MAGI1: variants seen among roughly 807,000 people sequenced by gnomAD.
MAGI1 encodes the protein membrane associated guanylate kinase, WW and PDZ domain containing 1.
In MAGI1, 58 loss-of-function variants were observed where a neutral mutation model predicts 139.9. The observed-to-expected ratio is 0.41, with a 90% confidence interval of 0.34 to 0.52. The LOEUF (loss-of-function observed/expected upper bound fraction) is 0.52, where lower values mean the gene tolerates loss of function less well. MAGI1 is among the 20% of genes least tolerant of loss of function. The pLI is 0.12. For missense variants in MAGI1, 1,874 were observed against 1,901.6 expected (o/e 0.99, Z 0.27); for synonymous variants, 812 against 737.9 (o/e 1.10, Z -1.63).
chr3:65,548,750 T>C (rs561435940), intron 2 of MAGI1, among the ~76,000 whole-genome samples: 1 of 152,124 alleles, frequency 6.6e-6, no homozygotes, highest in South Asian at 2.1e-4. Flanking sequence ...CTCGAACTCA[T>C]GACCTCAAGT....
intron 2 of MAGI1, among the ~76,000 whole-genome samples, chr3:65,582,061 T>A (rs183452867): frequency 5.3e-5 from 8 of 152,310 alleles, no homozygotes; most frequent in Non-Finnish European, 1.2e-4. Flanking sequence ...GTTAAATAAA[T>A]GGGTTGGCCT....
chr3:65,463,684 T>C (rs189782835), intron 5 of MAGI1, among the ~76,000 whole-genome samples: 8 of 152,022 alleles, frequency 5.3e-5, no homozygotes, highest in Non-Finnish European at 7.4e-5. Flanking sequence ...TTGCTTGGAA[T>C]AGTTTCAGAA....
At chr3:65,677,054 G>A (rs1224490586) in intron 1 of MAGI1, among the ~76,000 whole-genome samples, 2 of 152,126 alleles carry the variant, frequency 1.3e-5, no homozygotes, top group African/African-American at 2.4e-5. Flanking sequence ...ATTTTATGGT[G>A]GAGAGGGACA....
intron 1 of MAGI1, among the ~76,000 whole-genome samples, chr3:65,930,369 A>G (rs1237124536): frequency 4.0e-5 from 6 of 151,376 alleles, no homozygotes; most frequent in Non-Finnish European, 8.8e-5. Flanking sequence ...GGAAAAACCA[A>G]GGTCTTTCCA....
At chr3:65,634,191 C>T (rs1326379491) in intron 1 of MAGI1, among the ~76,000 whole-genome samples, 1 of 152,142 alleles carries the variant, frequency 6.6e-6, no homozygotes, top group Non-Finnish European at 1.5e-5. Flanking sequence ...GGGAGTATGA[C>T]TGTCTGTGTT....
intron 2 of MAGI1, among the ~76,000 whole-genome samples, chr3:65,522,036 A>G (rs910026656): frequency 1.5e-4 from 23 of 152,156 alleles, no homozygotes; most frequent in Non-Finnish European, 3.1e-4. Context: ...ATCACAGAGG[A>G]AAAAAATCCA....
At position 65,514,084 on chromosome 3, in the gene MAGI1, C is replaced by T. The variant is rs2077736060; in HGVS notation, c.431-20453G>A. ...AGGATTCCCTATTTAATAAATGGTG[C>T]TGGGAAAATTGGCTAGCCATATGTA... On this transcript the variant is annotated intron_variant, in intron 2 of 22. Coordinates refer to ENST00000402939, the MANE Select transcript of MAGI1 (RefSeq NM_001033057.2). Among the ~76,000 whole-genome samples the T allele has an allele frequency of 2.0e-5, 3 of 146,796 alleles. No homozygotes were observed. In the South Asian group the frequency reaches 6.6e-4, roughly 32 times the overall value.
At chr3:65,720,335 C>T (rs1269701304) in intron 1 of MAGI1, among the ~76,000 whole-genome samples, 2 of 152,294 alleles carry the variant, frequency 1.3e-5, no homozygotes, top group East Asian at 3.9e-4. Context: ...AAGTACCTTA[C>T]CTGCCAGGTT....
intron 1 of MAGI1, among the ~76,000 whole-genome samples, chr3:65,837,562 C>T (rs2058668199): frequency 6.6e-6 from 1 of 152,208 alleles, no homozygotes. Context: ...CACGACCCCA[C>T]CCAGCTGCTT....
At chr3:65,950,959 AGAAGGAAGGAAGGAAGGAAGGAAGGAAG>A (rs146952878) in intron 1 of MAGI1, among the ~76,000 whole-genome samples, 3,238 of 58,590 alleles carry the variant, frequency 0.055, 144 homozygotes, top group South Asian at 0.11. Flanking sequence ...GAGAAGAAAG[AGAAGGAAGGAAGGAAGGAAGGAAGGAAG>A]GAAGGAAGGA....
At chr3:65,606,824 A>G (rs1479390146) in intron 2 of MAGI1, among the ~76,000 whole-genome samples, 2 of 151,766 alleles carry the variant, frequency 1.3e-5, no homozygotes, top group African/African-American at 4.8e-5. Flanking sequence ...AGCCCGGCTA[A>G]TTTTTGTATT....
chr3:65,747,922 G>A (rs553253942), intron 1 of MAGI1, among the ~76,000 whole-genome samples: 16 of 152,278 alleles, frequency 1.1e-4, no homozygotes, highest in African/African-American at 3.6e-4. Flanking sequence ...AGGGGTGGTG[G>A]GCAGAGAAGC....
At chr3:65,823,347 C>T (rs900624614) in intron 1 of MAGI1, among the ~76,000 whole-genome samples, 5 of 152,042 alleles carry the variant, frequency 3.3e-5, no homozygotes, top group African/African-American at 1.2e-4. Flanking sequence ...AGGAAAAAAA[C>T]TTCCTCAAAA....
chr3:65,822,798 C>T (rs965219446), intron 1 of MAGI1, among the ~76,000 whole-genome samples: 4 of 152,224 alleles, frequency 2.6e-5, no homozygotes, highest in Admixed American at 6.5e-5. Context: ...TCAGAGCTTG[C>T]GAGAACTCAC....
intron 2 of MAGI1, among the ~76,000 whole-genome samples, chr3:65,509,675 T>C (rs62255286): frequency 6.6e-6 from 1 of 152,132 alleles, no homozygotes; most frequent in South Asian, 2.1e-4. Context: ...TCTCGCTGAT[T>C]GCTAGCACAG....
chr3:65,954,418 G>A (rs902943957), intron 1 of MAGI1: 4 of 152,538 alleles, frequency 2.6e-5, no homozygotes, highest in South Asian at 2.1e-4. Flanking sequence ...GGCAGCGCTT[G>A]CCAAGGTGGT....
chr3:65,500,903 T>G (rs2077055579), intron 2 of MAGI1, among the ~76,000 whole-genome samples: 1 of 152,230 alleles, frequency 6.6e-6, no homozygotes, highest in Non-Finnish European at 1.5e-5. Context: ...ATCATCATTT[T>G]CCTATTCTAA....
chr3:66,001,962 G>T (rs6779688), intron 1 of MAGI1, among the ~76,000 whole-genome samples: 17,982 of 152,160 alleles, frequency 0.12, 1,486 homozygotes, highest in African/African-American at 0.23. Context: ...TGTTCCCAAA[G>T]CAAGCTCAGG....
At chr3:65,399,790 AT>A (rs1944707522) in intron 13 of MAGI1, among the ~76,000 whole-genome samples, 1 of 152,232 alleles carries the variant, frequency 6.6e-6, no homozygotes, top group East Asian at 1.9e-4. Flanking sequence ...TCACCAGGTA[AT>A]TCCAAAACAC....
Sources: allele counts gnomAD v4.1 joint callset (sites outside exome capture counted in the v4.1 genomes callset), GRCh38; gene constraint gnomAD v4.1.1; transcripts MANE v1.5; gene names NCBI Gene and HGNC (gene_info 2026-07-23, HGNC 2026-07-21).